POLN: variants seen among roughly 807,000 people sequenced by gnomAD.
POLN encodes the protein DNA polymerase N.
In POLN, 108 loss-of-function variants were observed where a neutral mutation model predicts 113.5. The observed-to-expected ratio is 0.95, with a 90% CI of 0.81 to 1.12. The LOEUF (loss-of-function observed/expected upper bound fraction) is 1.12, where lower values mean the gene tolerates loss of function less well. POLN is among the 50% of genes most tolerant of loss of function. The pLI, the probability that POLN is intolerant of heterozygous loss-of-function variation, is 0.00. For synonymous variants in POLN, 386 were observed against 391.5 expected (o/e 0.99, Z 0.17); for missense variants, 1,097 against 1,077.1 (o/e 1.02, Z -0.26).
At chr4:2,081,814 C>G in intron 21 of POLN, 71 bp from the exon 22 acceptor site, 1 of 1,361,342 alleles carries the variant, frequency 7.3e-7, no homozygotes. Context: ...TCCCTCGGGC[C>G]AGGTCCAGAG....
At chr4:2,117,388 C>T (rs966068299) in intron 19 of POLN, among the ~76,000 whole-genome samples, 3 of 152,194 alleles carry the variant, frequency 2.0e-5, no homozygotes, top group Non-Finnish European at 4.4e-5. Flanking sequence ...ATTTGCTTTT[C>T]TCCCCCTTGT....
chr4:2,160,359 G>A (rs974899377), intron 13 of POLN, among the ~76,000 whole-genome samples: 1 of 151,872 alleles, frequency 6.6e-6, no homozygotes. Context: ...TTTTTGGTCT[G>A]TTATATTTAT....
rs1275144292 is a variant in POLN at position 2,165,356 on chromosome 4, T to A, written c.1554+5323A>T. Among the ~76,000 whole-genome samples, 3 of 152,174 alleles carry A rather than the reference T, an allele frequency of 2.0e-5. No individual in the cohort carries two copies. In the East Asian group the frequency reaches 5.8e-4, roughly 29 times the overall value. On this transcript the variant is annotated intron_variant, in intron 13 of 25. Coordinates refer to ENST00000511885, the MANE Select transcript of POLN (RefSeq NM_181808.4). Reference sequence around the variant, plus strand: ...GCTACATACTGTGATTCCAATTTTATAACATTCTGGAAAAGGCAAAACTGT... The same window carrying A: ...GCTACATACTGTGATTCCAATTTTAAAACATTCTGGAAAAGGCAAAACTGT...
At chr4:2,089,570 T>C in intron 20 of POLN, 2 of 1,094,030 alleles carry the variant, frequency 1.8e-6, no homozygotes. Flanking sequence ...AAAGAAACAC[T>C]TCCAACTTCA....
intron 16 of POLN, among the ~76,000 whole-genome samples, chr4:2,135,219 G>T (rs764907551): frequency 6.6e-6 from 1 of 152,182 alleles, no homozygotes; most frequent in Non-Finnish European, 1.5e-5. Flanking sequence ...CCCCTGAGGA[G>T]TGAGGCTGGG....
At chr4:2,152,739 G>A (rs986513087) in intron 16 of POLN, among the ~76,000 whole-genome samples, 1 of 152,116 alleles carries the variant, frequency 6.6e-6, no homozygotes, top group African/African-American at 2.4e-5. Flanking sequence ...AGAAAACAGA[G>A]GTGAGTATTT....
At chr4:2,098,833 G>A (rs1171168561) in intron 19 of POLN, among the ~76,000 whole-genome samples, 1 of 152,190 alleles carries the variant, frequency 6.6e-6, no homozygotes, top group African/African-American at 2.4e-5. Flanking sequence ...GACTGGGGCA[G>A]GAAACATACA....
At chr4:2,121,773 AT>A (rs1322723582) in intron 19 of POLN, among the ~76,000 whole-genome samples, 1 of 150,372 alleles carries the variant, frequency 6.7e-6, no homozygotes, top group Non-Finnish European at 1.5e-5. Context: ...AATTTTGCTG[AT>A]TTTTCAAAGA....
At chr4:2,141,620 T>C (rs1732003769) in intron 16 of POLN, among the ~76,000 whole-genome samples, 1 of 152,234 alleles carries the variant, frequency 6.6e-6, no homozygotes, top group African/African-American at 2.4e-5. Flanking sequence ...TGGTGCTGGC[T>C]CTGGCGACAC....
intron 3 of POLN, chr4:2,227,963 A>C (rs536283166): frequency 6.6e-6 from 1 of 152,238 alleles, no homozygotes; most frequent in Non-Finnish European, 1.5e-5. Flanking sequence ...ACACTCAAAA[A>C]TTCTTACCAG....
At chr4:2,207,196 T>TA (rs1165757325) in intron 5 of POLN, among the ~76,000 whole-genome samples, 4 of 152,052 alleles carry the variant, frequency 2.6e-5, no homozygotes, top group African/African-American at 9.7e-5. Context: ...GGAGCTAAGC[T>TA]ATGAGGATGC....
intron 23 of POLN, chr4:2,080,257 G>T: frequency 1.0e-6 from 1 of 987,954 alleles, no homozygotes; most frequent in African/African-American, 1.7e-5. Flanking sequence ...CTGGGCGAGG[G>T]CTGCTTGTCC....
In POLN at chr4:2,081,734, A is replaced by C; in HGVS notation, c.2207T>G (p.Val736Gly). ...IAQCHQTGCV[V>G]SIMGRRRPLP... ...GGGTCTCCTTCTGCCCATGATGGAC[A>C]CCACACAGCCTGAGTCACACAGAGC... The change falls in exon 22 of 26, where the codon GTG (valine) becomes GGG (glycine). Residue 736 changes from valine (V) to glycine (G), a missense_variant. Transcript: ENST00000511885. 6.2e-7 allele frequency: 1 copy of C among 1,613,948 alleles called. No individual in the cohort carries two copies. The highest frequency in any genetic ancestry group is 8.5e-7 in the Non-Finnish European group (1 of 1,179,876).
chr4:2,085,572 G>T (rs376827664), intron 21 of POLN, 41 bp downstream of exon 21: 11 of 1,610,204 alleles, frequency 6.8e-6, no homozygotes, highest in Non-Finnish European at 9.3e-6. Context: ...TCCCACAGAG[G>T]GTTGGCAGGG....
At chr4:2,110,752 C>T (rs1490224637) in intron 19 of POLN, among the ~76,000 whole-genome samples, 1 of 152,144 alleles carries the variant, frequency 6.6e-6, no homozygotes, top group African/African-American at 2.4e-5. Flanking sequence ...TAATTAATAG[C>T]TTACCAACCA....
intron 21 of POLN, among the ~76,000 whole-genome samples, chr4:2,083,303 C>T (rs185439935): frequency 2.5e-4 from 38 of 152,240 alleles, no homozygotes; most frequent in South Asian, 8.3e-4. Context: ...CTCATCCAGA[C>T]CACTCTGCAG....
rs35372373 is a variant in POLN at position 2,073,946 on chromosome 4, G to A, written c.2456-917C>T. ...GCTGTCGGCCAGCAGGTGGGCACAC[G>A]GCCCATGTGCATGGTGGGGAGCCCT... On this transcript the variant is annotated intron_variant, in intron 24 of 25. Coordinates refer to ENST00000511885, the MANE Select transcript of POLN (RefSeq NM_181808.4). Among the ~76,000 whole-genome samples, 1,122 of 152,302 alleles carry A rather than the reference G, an allele frequency of 7.4e-3. 20 individuals are homozygous for A. The highest frequency in any genetic ancestry group is 0.025 in the African/African-American group (1,031 of 41,572).
At chr4:2,078,501 C>G (rs1192618411) in intron 23 of POLN, 22 of 701,452 alleles carry the variant, frequency 3.1e-5, no homozygotes, top group Non-Finnish European at 3.5e-5. Flanking sequence ...TAGACAGACT[C>G]TCGCTCTCGC....
At chr4:2,219,667 G>A (rs1161295008) in intron 3 of POLN, among the ~76,000 whole-genome samples, 1 of 152,086 alleles carries the variant, frequency 6.6e-6, no homozygotes, top group Non-Finnish European at 1.5e-5. Context: ...CATCCAGAGC[G>A]CCCTTCTGCA....
Sources: allele counts gnomAD v4.1 joint callset (sites outside exome capture counted in the v4.1 genomes callset), GRCh38; gene constraint gnomAD v4.1.1; transcripts MANE v1.5; gene names NCBI Gene and HGNC (gene_info 2026-07-23, HGNC 2026-07-21).